Variants in DNAH7 observed in about 807,000 individuals in gnomAD.
DNAH7 encodes dynein axonemal heavy chain 7.
Under a neutral mutation model 444.6 loss-of-function variants are expected in DNAH7, and 397 were observed. The observed-to-expected ratio is 0.89, with a 90% CI of 0.82 to 0.97. DNAH7 has a LOEUF of 0.97. Ranked by LOEUF, DNAH7 falls within the 50% of genes least tolerant of loss-of-function variation. The pLI, the probability that DNAH7 is intolerant of heterozygous loss-of-function variation, is 0.00. For missense variants in DNAH7, 4,902 were observed against 4,800.8 expected (o/e 1.02, Z -0.62); for synonymous variants, 1,636 against 1,624.4 (o/e 1.01, Z -0.17).
intron 54 of DNAH7, among the ~76,000 whole-genome samples, chr2:195,805,063 CGAATATACTTTAAAAAGAGA>C (rs1246941445): frequency 6.6e-6 from 1 of 152,020 alleles, no homozygotes; most frequent in African/African-American, 2.4e-5. Context: ...CCACCTCCCT[CGAATATACTTTAAAAAGAGA>C]GTGAACGTAG....
intron 25 of DNAH7, 74 bp downstream of exon 25, chr2:195,909,953 C>T: frequency 1.4e-6 from 2 of 1,387,670 alleles, no homozygotes; most frequent in Non-Finnish European, 2.0e-6. Context: ...TACTTGTATT[C>T]AATTATGTTG....
chr2:195,742,861 C>G (rs544694140), intron 63 of DNAH7, among the ~76,000 whole-genome samples: 1 of 152,154 alleles, frequency 6.6e-6, no homozygotes, highest in African/African-American at 2.4e-5. Context: ...GATGCTGTGA[C>G]GATTAATATT....
intron 54 of DNAH7, 103 bp from the exon 55 acceptor site, chr2:195,799,575 ATTAGT>A: frequency 3.9e-6 from 4 of 1,031,286 alleles, no homozygotes; most frequent in Non-Finnish European, 5.3e-6. Context: ...CCCTAGCTCT[ATTAGT>A]TTAGGTATTC....
intron 2 of DNAH7, among the ~76,000 whole-genome samples, chr2:196,057,429 A>G (rs1697876146): frequency 2.0e-5 from 3 of 152,190 alleles, no homozygotes; most frequent in African/African-American, 7.2e-5. Context: ...GAAAATGTCT[A>G]TTTCATTTCA....
chr2:195,961,980 G>A (rs975940809), intron 17 of DNAH7, among the ~76,000 whole-genome samples: 17 of 152,094 alleles, frequency 1.1e-4, no homozygotes, highest in African/African-American at 3.9e-4. Context: ...ACTATAAAAT[G>A]CTAACACCCA....
chr2:196,064,998 T>C lies in DNAH7; in HGVS notation c.15+3699A>G, dbSNP rs185610990. ...ATAAATATATATGTGCATCTCTGTT[T>C]TGTCCCTTTAATTCCATTGGTTTAT... On this transcript the variant is annotated intron_variant, in intron 1 of 64. Transcript: ENST00000312428. Among the ~76,000 whole-genome samples the C allele has an allele frequency of 3.9e-3, 590 of 152,348 alleles. 1 individual carries two copies. The highest frequency in any genetic ancestry group is 6.4e-3 in the Non-Finnish European group (437 of 68,020).
rs1443681095 is a variant in DNAH7, at chr2:195,787,130, A to G, written c.10758T>C (p.His3586=). ...KKLLYGLCFF[H]ALVQERRKFG... is the part of the protein sequence containing the mutation. ...ATTTCCGTCTTTCTTGTACCAAAGCATGAAAGAAACACAGGCCATAAAGCA... is the reference window on the plus strand; with the variant it reads ...ATTTCCGTCTTTCTTGTACCAAAGCGTGAAAGAAACACAGGCCATAAAGCA... The change falls in exon 58 of 65, where the codon CAT becomes CAC. Residue 3586 remains histidine, a synonymous_variant. Transcript: ENST00000312428. 1.9e-6 allele frequency: 3 copies of G among 1,608,764 alleles called. No homozygotes were observed. Among genetic ancestry groups the G allele is most frequent in the Non-Finnish European group, 2.5e-6 (3 of 1,178,698 alleles).
chr2:195,767,911 T>A (rs1694661809), intron 61 of DNAH7, among the ~76,000 whole-genome samples: 1 of 151,878 alleles, frequency 6.6e-6, no homozygotes, highest in Non-Finnish European at 1.5e-5. Context: ...GATCCTGGTC[T>A]GAAATCTGTG....
chr2:196,054,407 G>A (rs779807228), intron 2 of DNAH7, among the ~76,000 whole-genome samples: 5 of 152,038 alleles, frequency 3.3e-5, no homozygotes, highest in African/African-American at 9.7e-5. Flanking sequence ...CTGTGGTCCC[G>A]GTTACTCAGG....
intron 30 of DNAH7, 92 bp downstream of exon 30, chr2:195,894,884 T>G (rs1702216176): frequency 2.5e-6 from 3 of 1,190,838 alleles, no homozygotes; most frequent in Non-Finnish European, 3.3e-6. Context: ...GATTTTAAGT[T>G]GCCACATTGA....
intron 22 of DNAH7, among the ~76,000 whole-genome samples, chr2:195,924,247 C>T (rs763489016): frequency 1.6e-4 from 25 of 152,138 alleles, no homozygotes; most frequent in Non-Finnish European, 3.4e-4. Context: ...TACAAGCTGT[C>T]TTCTGCTCTA....
chr2:196,052,752 G>C (rs1697555463), intron 2 of DNAH7, among the ~76,000 whole-genome samples: 1 of 152,176 alleles, frequency 6.6e-6, no homozygotes, highest in Non-Finnish European at 1.5e-5. Context: ...AAAGGGTGGA[G>C]CTAAGCCTTA....
intron 49 of DNAH7, among the ~76,000 whole-genome samples, chr2:195,821,473 T>C (rs1252639972): frequency 6.6e-6 from 1 of 152,244 alleles, no homozygotes; most frequent in East Asian, 1.9e-4. Context: ...GAAAGAAACA[T>C]CTAATAGGGA....
intron 59 of DNAH7, among the ~76,000 whole-genome samples, chr2:195,776,453 GAA>G (rs1695066433): frequency 6.7e-6 from 1 of 149,008 alleles, no homozygotes; most frequent in Admixed American, 6.7e-5. Context: ...CAAAAAAAAA[GAA>G]AAGAGGAAAA....
chr2:195,991,485 C>G (rs1256469451), intron 12 of DNAH7, among the ~76,000 whole-genome samples: 1 of 152,072 alleles, frequency 6.6e-6, no homozygotes, highest in Non-Finnish European at 1.5e-5. Flanking sequence ...TAAAACAAAA[C>G]AAAATAACAC....
intron 61 of DNAH7, among the ~76,000 whole-genome samples, chr2:195,768,758 T>C (rs1464942819): frequency 6.6e-6 from 1 of 152,194 alleles, no homozygotes; most frequent in Non-Finnish European, 1.5e-5. Context: ...TTGCAATTCT[T>C]TGACATTTTT....
At chr2:195,862,424 C>CT (rs1379601007) in intron 41 of DNAH7, among the ~76,000 whole-genome samples, 3 of 152,170 alleles carry the variant, frequency 2.0e-5, no homozygotes, top group Non-Finnish European at 4.4e-5. Flanking sequence ...AGCATCCAAA[C>CT]TGCTTGCATT....
chr2:195,910,047 C>G lies in DNAH7; in HGVS notation c.4084G>C (p.Ala1362Pro). 6.2e-7 allele frequency: 1 copy of G among 1,611,738 alleles called. No homozygotes were observed. Among genetic ancestry groups the G allele is most frequent in the Non-Finnish European group, 8.5e-7 (1 of 1,178,866 alleles). Residue 1362 changes from alanine (A) to proline (P), a missense_variant, in exon 25 of 65, where the codon GCT (alanine) becomes CCT (proline). Physicochemically the swap from Ala to Pro is conservative, Grantham distance 27 (BLOSUM62 -1). Transcript: ENST00000312428. ...FNCSDGLDYL[A>P]LGKFFKGLLS... ...CAAACCTTAAAGAATTTTCCCAAAG[C>G]CAAATAATCCAACCCATCAGAGCAG...
At chr2:195,807,767 T>A (rs2124848368) in intron 53 of DNAH7, among the ~76,000 whole-genome samples, 1 of 152,276 alleles carries the variant, frequency 6.6e-6, no homozygotes, top group African/African-American at 2.4e-5. Context: ...AAATTAGAAA[T>A]CTTCATGCTT....
Sources: gnomAD v4.1 joint callset for allele counts (sites outside exome capture counted in the v4.1 genomes callset) on GRCh38, gnomAD v4.1.1 for gene constraint, MANE v1.5 for transcripts, NCBI Gene and HGNC (gene_info 2026-07-23, HGNC 2026-07-21) for gene names.